Variants in VPS13B observed in about 807,000 individuals in gnomAD.
VPS13B encodes the protein intermembrane lipid transfer protein VPS13B.
In VPS13B, 285 loss-of-function variants were observed where a neutral mutation model predicts 426.4. The ratio of observed to expected loss-of-function variants is 0.67; its 90% CI spans 0.61 to 0.74. The LOEUF is 0.74. Among genes scored for constraint, VPS13B ranks in the 30% least tolerant of loss-of-function variants. The probability of loss-of-function intolerance (pLI) is 0.00; values close to 1 mark genes in which losing one functional copy is unlikely to be tolerated. For synonymous variants in VPS13B, 1,676 were observed against 1,676.4 expected, an observed-to-expected ratio of 1.00 and a Z score of 0.01; for missense variants, 4,537 against 4,782.6, an observed-to-expected ratio of 0.95 and a Z score of 1.51.
At chr8:99,735,461 G>A (rs1833785919) in intron 39 of VPS13B, among the ~76,000 whole-genome samples, 2 of 152,152 alleles carry the variant, frequency 1.3e-5, no homozygotes, top group Admixed American at 1.3e-4. Flanking sequence ...AAGACCATGT[G>A]CAGAGGGAGG....
intron 32 of VPS13B, among the ~76,000 whole-genome samples, chr8:99,576,676 A>G (rs1476497613): frequency 6.6e-6 from 1 of 152,166 alleles, no homozygotes; most frequent in African/African-American, 2.4e-5. Context: ...CATTGTCCAC[A>G]TGCACATCAT....
chr8:99,775,054 C>T (rs1015154298), intron 40 of VPS13B, among the ~76,000 whole-genome samples: 1 of 152,220 alleles, frequency 6.6e-6, no homozygotes, highest in Non-Finnish European at 1.5e-5. Flanking sequence ...CAACCTCTTT[C>T]AAAACCCAAT....
chr8:99,595,443 A>G (rs1826960854), intron 33 of VPS13B, among the ~76,000 whole-genome samples: 1 of 151,940 alleles, frequency 6.6e-6, no homozygotes, highest in Non-Finnish European at 1.5e-5. Context: ...AATGAAGGAA[A>G]ATGCCTAAAT....
chr8:99,725,865 ACCTGCT>A (rs1157440636), intron 39 of VPS13B, among the ~76,000 whole-genome samples: 1 of 152,230 alleles, frequency 6.6e-6, no homozygotes, highest in African/African-American at 2.4e-5. Flanking sequence ...TGCCAAGCTT[ACCTGCT>A]CCCTTAAACA....
intron 31 of VPS13B, among the ~76,000 whole-genome samples, chr8:99,575,432 T>G (rs926003928): frequency 6.6e-6 from 1 of 152,212 alleles, no homozygotes; most frequent in East Asian, 1.9e-4. Context: ...GATACTAATA[T>G]GAAATTGCTT....
At chr8:99,187,898 A>G (rs977940025) in intron 16 of VPS13B, among the ~76,000 whole-genome samples, 1 of 151,962 alleles carries the variant, frequency 6.6e-6, no homozygotes, top group African/African-American at 2.4e-5. Flanking sequence ...AGCCTGGGAG[A>G]TGGAGGCTGC....
intron 17 of VPS13B, among the ~76,000 whole-genome samples, chr8:99,219,445 C>G (rs1028890820): frequency 5.3e-5 from 8 of 152,164 alleles, no homozygotes; most frequent in African/African-American, 1.9e-4. Context: ...AAGTTTCTCC[C>G]CAAGGGATGT....
At chr8:99,559,194 T>G (rs1824758249) in intron 31 of VPS13B, among the ~76,000 whole-genome samples, 1 of 152,270 alleles carries the variant, frequency 6.6e-6, no homozygotes. Flanking sequence ...GTTGGCTGCA[T>G]AAATGTCTTC....
At chr8:99,223,398 C>G (rs1314704765) in intron 17 of VPS13B, among the ~76,000 whole-genome samples, 1 of 152,082 alleles carries the variant, frequency 6.6e-6, no homozygotes, top group Admixed American at 6.5e-5. Flanking sequence ...CTTGTACATA[C>G]TTGCTATCTA....
intron 16 of VPS13B, among the ~76,000 whole-genome samples, chr8:99,172,700 T>C (rs1812411811): frequency 1.3e-5 from 2 of 152,164 alleles, no homozygotes; most frequent in South Asian, 4.1e-4. Context: ...AAAGGCTAGC[T>C]AATAAATCTG....
rs906591800 is a variant in VPS13B, at chr8:99,275,232, T to C, written c.2802T>C (p.Tyr934=). The part of the protein sequence containing the change: ...LMAFTIQVPQ[Y]IDYCHNSGAV... Reference sequence around the variant, plus strand: ...CCTTCACAATCCAAGTTCCACAATATATTGACTACTGCCACAATTCCGGTA... The same window carrying C: ...CCTTCACAATCCAAGTTCCACAATACATTGACTACTGCCACAATTCCGGTA... Residue 934 remains tyrosine, a synonymous_variant, in exon 19 of 62, where the codon TAT becomes TAC. Coordinates refer to ENST00000357162, the MANE Select transcript of VPS13B (RefSeq NM_152564.5). The C allele has an allele frequency of 1.2e-5, 20 of 1,611,746 alleles. No homozygotes were observed. The highest frequency in any genetic ancestry group is 1.7e-5 in the Non-Finnish European group (20 of 1,179,054).
chr8:99,776,671 G>T, intron 40 of VPS13B, 104 bp from the exon 41 acceptor site: 1 of 1,027,070 alleles, frequency 9.7e-7, no homozygotes. Context: ...TTGACTATAG[G>T]ATTTTCAGTA....
intron 29 of VPS13B, among the ~76,000 whole-genome samples, chr8:99,518,748 AAATATACTG>A (rs1421352285): frequency 1.3e-5 from 2 of 152,182 alleles, no homozygotes; most frequent in Non-Finnish European, 2.9e-5. Flanking sequence ...AAATATACTG[AAATATACTG>A]AATATACTGA....
At chr8:99,861,026 C>G (rs1407454591) in intron 57 of VPS13B, among the ~76,000 whole-genome samples, 2 of 152,186 alleles carry the variant, frequency 1.3e-5, no homozygotes, top group African/African-American at 4.8e-5. Context: ...AAAATTTATT[C>G]CTAAAGCTGA....
rs184693266 is a variant in VPS13B, at chr8:99,481,683, A to G, written c.3751A>G (p.Thr1251Ala). The G allele has an allele frequency of 7.3e-4, 1,185 of 1,613,920 alleles. 11 individuals carry two copies. In the South Asian group the frequency reaches 8.4e-3, roughly 11 times the overall value. ...GAGAGGCAATCTCAACCTATCTCCA[A>G]CCTCTCCAGAGACCATGGCAGGGCC... Reference protein sequence around the residue: ...QKRGNLNLSPTSPETMAGPVP... With the variant: ...QKRGNLNLSPASPETMAGPVP... Residue 1251 changes from threonine (T) to alanine (A), a missense_variant, in exon 25 of 62, where the codon ACC (threonine) becomes GCC (alanine). Thr to Ala is a moderately conservative substitution (Grantham distance 58). This residue lies in a region of VPS13B where 4,311 missense variants were observed against 4,474.3 expected (regional missense o/e 0.96). Transcript: ENST00000357162.
intron 21 of VPS13B, among the ~76,000 whole-genome samples, chr8:99,407,640 T>A (rs1315524640): frequency 6.6e-6 from 1 of 151,866 alleles, no homozygotes; most frequent in African/African-American, 2.4e-5. Context: ...TCTTTTCTTT[T>A]TTTTTGCCTA....
At chr8:99,540,287 G>A (rs1368682276) in intron 30 of VPS13B, among the ~76,000 whole-genome samples, 13 of 150,526 alleles carry the variant, frequency 8.6e-5, no homozygotes, top group African/African-American at 2.9e-4. Flanking sequence ...CACCATGTTA[G>A]CCAGGATGGT....
intron 23 of VPS13B, among the ~76,000 whole-genome samples, chr8:99,450,671 C>G (rs904472597): frequency 4.6e-5 from 7 of 152,126 alleles, no homozygotes; most frequent in African/African-American, 1.7e-4. Context: ...CAAGATTGTG[C>G]CACCACACTC....
chr8:99,661,562 G>C (rs555191030), intron 35 of VPS13B, 71 bp downstream of exon 35: 1 of 1,553,326 alleles, frequency 6.4e-7, no homozygotes, highest in Non-Finnish European at 8.8e-7. Context: ...TATAGGATCT[G>C]TTAGTAATCT....
Sources: gnomAD v4.1 joint callset for allele counts (sites outside exome capture counted in the v4.1 genomes callset) on GRCh38, gnomAD v4.1.1 for gene constraint, gnomAD v4.1.1 regional missense constraint, MANE v1.5 for transcripts, NCBI Gene and HGNC (gene_info 2026-07-23, HGNC 2026-07-21) for gene names.